The following RBFOX2 variants were observed in gnomAD, a reference collection of about 807,000 sequenced individuals.
RBFOX2 encodes RNA binding protein fox-1 homolog 2.
RBFOX2 carries 10 observed loss-of-function variants against 49.1 expected under a neutral mutation model. The observed-to-expected ratio is 0.20, with a 90% CI of 0.13 to 0.35. The LOEUF (loss-of-function observed/expected upper bound fraction) is 0.35, where lower values mean the gene tolerates loss of function less well. Among genes scored for constraint, RBFOX2 ranks in the 10% least tolerant of loss-of-function variants. The pLI is 1.00. For missense variants in RBFOX2, 323 were observed against 486.9 expected, an observed-to-expected ratio of 0.66 and a Z score of 3.17; for synonymous variants, 183 against 187.4, an observed-to-expected ratio of 0.98 and a Z score of 0.19.
At chr22:35,969,817 C>T (rs184785018) in intron 1 of RBFOX2, among the ~76,000 whole-genome samples, 1 of 152,288 alleles carries the variant, frequency 6.6e-6, no homozygotes, top group East Asian at 1.9e-4. Flanking sequence ...TTATATATAA[C>T]TCAGAATGTG....
At chr22:35,898,032 A>G (rs1603443029) in intron 1 of RBFOX2, 5 of 726,586 alleles carry the variant, frequency 6.9e-6, no homozygotes, top group Non-Finnish European at 1.3e-5. Flanking sequence ...TTATGACCAC[A>G]TTGCTGTGTT....
At chr22:35,865,123 T>C (rs1213127926) in intron 1 of RBFOX2, among the ~76,000 whole-genome samples, 1 of 152,212 alleles carries the variant, frequency 6.6e-6, no homozygotes, top group Non-Finnish European at 1.5e-5. Flanking sequence ...TGTATGAATA[T>C]ATACTACATA....
chr22:35,896,804 A>G (rs530406641), intron 1 of RBFOX2, among the ~76,000 whole-genome samples: 25 of 152,318 alleles, frequency 1.6e-4, no homozygotes, highest in African/African-American at 6.0e-4. Context: ...TCTGAAGGCA[A>G]GATTACTACA....
intron 1 of RBFOX2, among the ~76,000 whole-genome samples, chr22:35,824,863 C>T (rs544623285): frequency 6.6e-6 from 1 of 152,356 alleles, no homozygotes; most frequent in South Asian, 2.1e-4. Context: ...TAGTCTTCCT[C>T]ACTTGAAACT....
intron 2 of RBFOX2, among the ~76,000 whole-genome samples, chr22:35,798,412 A>G (rs1051614050): frequency 2.0e-5 from 3 of 152,258 alleles, no homozygotes; most frequent in Non-Finnish European, 4.4e-5. Context: ...AATATAATTT[A>G]TGGGAAATAA....
intron 1 of RBFOX2, among the ~76,000 whole-genome samples, chr22:35,836,722 T>C: frequency 6.6e-6 from 1 of 152,222 alleles, no homozygotes; most frequent in Non-Finnish European, 1.5e-5. Context: ...AAATTTTCTT[T>C]CACATCCATA....
At chr22:35,932,077 T>C (rs73161715) in intron 1 of RBFOX2, among the ~76,000 whole-genome samples, 2,830 of 152,242 alleles carry the variant, frequency 0.019, 39 homozygotes, top group Middle Eastern at 0.037. Flanking sequence ...TTGGGGTCAG[T>C]CTTTTTTTAA....
chr22:36,016,593 T>C (rs950602212), intron 1 of RBFOX2, among the ~76,000 whole-genome samples: 2 of 152,180 alleles, frequency 1.3e-5, no homozygotes, highest in South Asian at 4.1e-4. Context: ...AACCAGCCTA[T>C]ACATGGGAAA....
intron 1 of RBFOX2, chr22:35,992,175 T>C (rs2058009847): frequency 1.3e-5 from 2 of 152,154 alleles, no homozygotes; most frequent in Admixed American, 6.5e-5. Context: ...ATGCTTAAGA[T>C]ATATCCTCTG....
chr22:35,767,384 C>T (rs1427300641), intron 5 of RBFOX2, among the ~76,000 whole-genome samples: 2 of 152,076 alleles, frequency 1.3e-5, no homozygotes, highest in South Asian at 4.1e-4. Flanking sequence ...CGGGCACCAT[C>T]GCCAGCATTG....
intron 1 of RBFOX2, among the ~76,000 whole-genome samples, chr22:35,825,980 TCAAAAAA>T (rs1955606865): frequency 4.1e-5 from 2 of 49,094 alleles, no homozygotes; most frequent in South Asian, 6.3e-4. Flanking sequence ...AGACTCCGCT[TCAAAAAA>T]AAAAAAAAAA....
At chr22:35,764,902 T>C (rs994246964) in intron 6 of RBFOX2, among the ~76,000 whole-genome samples, 1 of 152,082 alleles carries the variant, frequency 6.6e-6, no homozygotes, top group Non-Finnish European at 1.5e-5. Context: ...CTATATAATA[T>C]GTAATCATGA....
In RBFOX2 at chr22:35,754,421, T is replaced by C. The variant is rs183521092; in HGVS notation, c.887+5467A>G. On this transcript the variant is annotated intron_variant, in intron 9 of 11. Coordinates refer to ENST00000405409, the Ensembl canonical transcript of RBFOX2. ...TAGGCAAGTCTTAATAAGACATAAA[T>C]AGGTTGTATTTAAGAAAAATAAATC... Among the ~76,000 whole-genome samples the C allele has an allele frequency of 2.5e-3, 375 of 152,308 alleles. 1 individual carries two copies. Among genetic ancestry groups the C allele is most frequent in the Middle Eastern group, 0.024 (7 of 294 alleles).
intron 1 of RBFOX2, among the ~76,000 whole-genome samples, chr22:36,005,219 C>A (rs2058575282): frequency 6.6e-6 from 1 of 152,166 alleles, no homozygotes; most frequent in South Asian, 2.1e-4. Flanking sequence ...CAACATGCCT[C>A]CCTAGTTTCT....
chr22:35,857,828 T>C (rs1048857456), intron 1 of RBFOX2, among the ~76,000 whole-genome samples: 1 of 152,106 alleles, frequency 6.6e-6, no homozygotes, highest in Non-Finnish European at 1.5e-5. Flanking sequence ...AAGGCAGAAA[T>C]AGAAACAGAG....
rs553221697 is a variant in RBFOX2, at chr22:35,748,721, A to T, written c.888-2160T>A. 2 of 152,228 alleles carry T rather than the reference A, an allele frequency of 1.3e-5. 1 individual carries two copies. Among genetic ancestry groups the T allele is most frequent in the South Asian group, 4.1e-4 (2 of 4,830 alleles). 9.4% of individuals were successfully genotyped at this position (152,228 alleles called of 1,614,324 possible). On this transcript the variant is annotated intron_variant, in intron 9 of 11. Transcript: ENST00000405409. ...ATCAAAGTAACATTAAAAAAATTTT[A>T]AAGTTAAGGCAACAAAAGCAGTTAA...
chr22:36,021,239 C>A (rs1479679377), intron 1 of RBFOX2, among the ~76,000 whole-genome samples: 1 of 111,658 alleles, frequency 9.0e-6, no homozygotes, highest in Non-Finnish European at 1.7e-5. Flanking sequence ...CACAATGGGG[C>A]CTGTCCTGGG....
At chr22:35,812,959 C>G (rs766281684) in intron 1 of RBFOX2, among the ~76,000 whole-genome samples, 1 of 152,198 alleles carries the variant, frequency 6.6e-6, no homozygotes, top group Non-Finnish European at 1.5e-5. Context: ...AAGGTAAAAA[C>G]ATTTCCTGCA....
At chr22:35,963,045 C>A (rs2056331751), upstream of RBFOX2, among the ~76,000 whole-genome samples, 1 of 121,730 alleles carries the variant, frequency 8.2e-6, no homozygotes. Context: ...AACTCCAGGG[C>A]ACCAACTCTC....
Sources: gnomAD v4.1 joint callset for allele counts (sites outside exome capture counted in the v4.1 genomes callset) on GRCh38, gnomAD v4.1.1 for gene constraint, MANE v1.5 for transcripts, NCBI Gene and HGNC (gene_info 2026-07-23, HGNC 2026-07-21) for gene names.